CAMKK2: variants seen among roughly 807,000 people sequenced by gnomAD.
CAMKK2 encodes calcium/calmodulin dependent protein kinase kinase 2, also known as calcium/calmodulin-dependent protein kinase kinase 2.
CAMKK2 carries 30 observed loss-of-function variants against 67.2 expected under a neutral mutation model. That is an observed-to-expected ratio of 0.45 (90% confidence interval 0.33 to 0.61). The LOEUF (loss-of-function observed/expected upper bound fraction) is 0.61, where lower values mean the gene tolerates loss of function less well. CAMKK2 is among the 20% of genes least tolerant of loss of function. The pLI is 0.02. For missense variants in CAMKK2, 643 were observed against 802.0 expected (o/e 0.80, Z 2.39); for synonymous variants, 322 against 326.2 (o/e 0.99, Z 0.14).
chr12:121,269,459 G>T, intron 4 of CAMKK2, 69 bp downstream of exon 4: 1 of 1,220,720 alleles, frequency 8.2e-7, no homozygotes, highest in Non-Finnish European at 1.2e-6. Context: ...TTTCCAGGAA[G>T]CTGAGTGCTG....
chr12:121,295,102 G>C (rs1476704404), intron 1 of CAMKK2, among the ~76,000 whole-genome samples: 1 of 152,126 alleles, frequency 6.6e-6, no homozygotes, highest in Non-Finnish European at 1.5e-5. Context: ...CCCGGGAGGC[G>C]GAGGTTGCAG....
At position 121,285,126 on chromosome 12, in the gene CAMKK2, C is replaced by T. The variant is rs1451009807; in HGVS notation, c.-59-10541G>A. Among the ~76,000 whole-genome samples the T allele has an allele frequency of 1.3e-5, 2 of 152,166 alleles. No homozygotes were observed. The highest frequency in any genetic ancestry group is 2.9e-5 in the Non-Finnish European group (2 of 68,020). On this transcript the variant is annotated intron_variant, in intron 1 of 16. Transcript: ENST00000404169. The surrounding 1 kb of genome is among the most constrained non-coding windows in gnomAD (Gnocchi z 4.1). ...TGAGAGGTGGCCCTACAGGGCTGAC[C>T]CCACCATCAGCTTCAGAGATTTGCA...
In CAMKK2 at chr12:121,240,740, T is replaced by C; in HGVS notation, c.1726A>G (p.Met576Val). 6.2e-7 allele frequency: 1 copy of C among 1,609,150 alleles called. No homozygotes were observed. The highest frequency in any genetic ancestry group is 1.1e-5 in the South Asian group (1 of 90,818). ...GCCTCCTCCGGCCGCAGTGGATGCA[T>C]GCGTGCGGGGGAGCCGGGGGCGGGG... is the stretch of plus-strand genomic sequence containing the variant. ...WAPAPGSPAR[M>V]HPLRPEEAME... The change falls in exon 17 of 17, where the codon ATG (methionine) becomes GTG (valine). Residue 576 changes from methionine (M) to valine (V), a missense_variant. Met to Val is a conservative substitution (Grantham distance 21). Around this residue, in one of 3 missense-constraint regions of CAMKK2, gnomAD observed 140 missense variants for 124.2 expected, o/e 1.13. Coordinates refer to ENST00000404169, the MANE Select transcript of CAMKK2 (RefSeq NM_001270485.2). This position sits in a 1 kb window ranked among gnomAD's most constrained non-coding sequence, Gnocchi z 4.4.
rs930161005 is a variant in CAMKK2, at chr12:121,274,051, C to T, written c.471+5G>A. The T allele has an allele frequency of 3.4e-6, 5 of 1,482,256 alleles. No homozygotes were observed. The highest frequency in any genetic ancestry group is 4.5e-6 in the Non-Finnish European group (5 of 1,115,232). 91.8% of individuals were successfully genotyped at this position (1,482,256 alleles called of 1,614,324 possible). ...TAGGACCTGGCTCACCACCGGCTCA[C>T]GCACCTGCATACCCGTGATGGAGAC... is the stretch of plus-strand genomic sequence containing the variant. On this transcript the variant is annotated splice_donor_5th_base_variant and intron_variant, in intron 2 of 16. Coordinates refer to ENST00000404169, the MANE Select transcript of CAMKK2 (RefSeq NM_001270485.2).
Position 121,258,022 on chromosome 12 carries a change from CTT to C in CAMKK2, c.797-2220_797-2219del, listed in dbSNP as rs5801429. Among the ~76,000 whole-genome samples the C allele has an allele frequency of 2.3e-3, 279 of 120,038 alleles. 2 individuals are homozygous for C. The highest frequency in any genetic ancestry group is 2.8e-3 in the Admixed American group (32 of 11,564). 78.7% of individuals were successfully genotyped at this position (120,038 alleles called of 152,430 possible). On this transcript the variant is annotated intron_variant, in intron 7 of 16. Coordinates refer to ENST00000404169, the MANE Select transcript of CAMKK2 (RefSeq NM_001270485.2). ...CTAGAAATAGAGATCGAGTTTTCTACTTTTTTTTTTTTTTTTTTTTGAGACAA... is the reference window on the plus strand; with the variant it reads ...CTAGAAATAGAGATCGAGTTTTCTACTTTTTTTTTTTTTTTTTTGAGACAA...
In CAMKK2 at chr12:121,240,662, G is replaced by C. The variant is rs201611432; in HGVS notation, c.*37C>G. The C allele has an allele frequency of 1.3e-6, 2 of 1,555,450 alleles. No individual in the cohort carries two copies. Among genetic ancestry groups the C allele is most frequent in the Non-Finnish European group, 1.7e-6 (2 of 1,156,116 alleles). ...CGCGGTGCAGCAGCCCCCCAGAGGC[G>C]ACGCGGCGCGCATGCGAGGTCGAGC... On this transcript the variant is annotated 3_prime_UTR_variant, in exon 17 of 17. Coordinates refer to ENST00000404169, the MANE Select transcript of CAMKK2 (RefSeq NM_001270485.2). This position sits in a 1 kb window ranked among gnomAD's most constrained non-coding sequence, Gnocchi z 4.4.
At position 121,253,156 on chromosome 12, in the gene CAMKK2, G is replaced by A; in HGVS notation, c.1107+117C>T. ...AGCCAAGCCTGAAGCCTACCCCTCA[G>A]TATCTTGATCCAGGGGATTCACTGT... On this transcript the variant is annotated intron_variant, in intron 10 of 16. Transcript: ENST00000404169. The surrounding 1 kb of genome is among the most constrained non-coding windows in gnomAD (Gnocchi z 5.0). 1 of 848,382 alleles carries A rather than the reference G, an allele frequency of 1.2e-6. No individual in the cohort carries two copies. Among genetic ancestry groups the A allele is most frequent in the Non-Finnish European group, 1.9e-6 (1 of 522,688 alleles). The allele number at this position is 848,382 out of a possible 1,614,324, so 52.6% of individuals were successfully genotyped here.
At chr12:121,252,900 G>A (rs1891071299) in intron 10 of CAMKK2, among the ~76,000 whole-genome samples, 186 bp from the exon 11 acceptor site, 1 of 152,126 alleles carries the variant, frequency 6.6e-6, no homozygotes, top group Non-Finnish European at 1.5e-5. Flanking sequence ...ACTACCCCCA[G>A]CCACAGTGAT....
At position 121,240,514 on chromosome 12, in the gene CAMKK2, G is replaced by C. The variant is rs1298804855; in HGVS notation, c.*185C>G. On this transcript the variant is annotated 3_prime_UTR_variant, in exon 17 of 17. Transcript: ENST00000404169. This position sits in a 1 kb window ranked among gnomAD's most constrained non-coding sequence, Gnocchi z 4.4. The stretch of plus-strand genomic sequence containing the variant: ...GCCAGCGGCCACGGTCGACGTCATG[G>C]AGTCAAGTCCTTTTTTTTTTTTTGT... 6.5e-7 allele frequency: 1 copy of C among 1,530,664 alleles called. No individual in the cohort carries two copies. The highest frequency in any genetic ancestry group is 8.7e-7 in the Non-Finnish European group (1 of 1,145,494). 94.8% of individuals were successfully genotyped at this position (1,530,664 alleles called of 1,614,324 possible).
rs752954809 is a variant in CAMKK2 at position 121,240,724 on chromosome 12, G to C, written c.1742C>G (p.Pro581Arg). Residue 581 changes from proline (P) to arginine (R), a missense_variant, in exon 17 of 17, where the codon CCG becomes CGG. Coordinates refer to ENST00000404169, the MANE Select transcript of CAMKK2 (RefSeq NM_001270485.2). This position sits in a 1 kb window ranked among gnomAD's most constrained non-coding sequence, Gnocchi z 4.4. Reference protein sequence around the residue: ...GSPARMHPLRPEEAMEPE With the variant: ...GSPARMHPLRREEAMEPE ...CTACTCGGGCTCCATGGCCTCCTCC[G>C]GCCGCAGTGGATGCATGCGTGCGGG... 6.2e-7 allele frequency: 1 copy of C among 1,606,974 alleles called. No homozygotes were observed. The highest frequency in any genetic ancestry group is 8.5e-7 in the Non-Finnish European group (1 of 1,178,688).
At position 121,263,894 on chromosome 12, in the gene CAMKK2, A is replaced by C; in HGVS notation, c.671T>G (p.Ile224Ser). 6.2e-7 allele frequency: 1 copy of C among 1,609,542 alleles called. No individual in the cohort carries two copies. Among genetic ancestry groups the C allele is most frequent in the East Asian group, 2.2e-5 (1 of 44,810 alleles). ...RGTRPAPGGC[I>S]QPRGPIEQVY... Reference sequence around the variant, plus strand: ...CTGCTCAATGGGGCCCCTGGGCTGGATGCAGCCTCCAGGAGCTGGCCGGGT... The same window carrying C: ...CTGCTCAATGGGGCCCCTGGGCTGGCTGCAGCCTCCAGGAGCTGGCCGGGT... The change falls in exon 6 of 17, where the codon ATC becomes AGC. Residue 224 changes from isoleucine to serine, a missense_variant. By Grantham distance (142) the Ile-to-Ser change is moderately radical. This residue lies in a region of CAMKK2 where 483 missense variants were observed against 625.8 expected (regional missense o/e 0.77). Transcript: ENST00000404169.
chr12:121,291,337 T>C (rs2136651569), intron 1 of CAMKK2, among the ~76,000 whole-genome samples: 1 of 152,366 alleles, frequency 6.6e-6, no homozygotes, highest in South Asian at 2.1e-4. Flanking sequence ...ATGGACAAAG[T>C]AGCCTTAAGA....
chr12:121,270,142 C>T (rs147673115), intron 3 of CAMKK2, among the ~76,000 whole-genome samples: 112 of 152,088 alleles, frequency 7.4e-4, no homozygotes, highest in African/African-American at 2.5e-3. Context: ...GAGGCCGAGG[C>T]GGGCAGATCA....
chr12:121,288,194 A>G (rs1899154716), intron 1 of CAMKK2, among the ~76,000 whole-genome samples: 1 of 152,164 alleles, frequency 6.6e-6, no homozygotes, highest in Non-Finnish European at 1.5e-5. Context: ...AGAGGTTGGA[A>G]AACAACTGGA....
chr12:121,270,926 T>G lies in CAMKK2; in HGVS notation c.491A>C (p.Gln164Pro). 6.2e-7 allele frequency: 1 copy of G among 1,613,754 alleles called. No individual in the cohort carries two copies. Among genetic ancestry groups the G allele is most frequent in the Non-Finnish European group, 8.5e-7 (1 of 1,179,698 alleles). ...TGMQDCVQLN[Q>P]YTLKDEIGKG... ...TCCAATTTCATCCTTCAGGGTATACTGATTCAGCTGCACACAGTCCTAGAG... is the reference window on the plus strand; with the variant it reads ...TCCAATTTCATCCTTCAGGGTATACGGATTCAGCTGCACACAGTCCTAGAG... Residue 164 changes from glutamine to proline, a missense_variant, in exon 3 of 17, where the codon CAG (glutamine) becomes CCG (proline). By Grantham distance (76) the Gln-to-Pro change is moderately conservative (BLOSUM62 -1). This residue lies in a region of CAMKK2 where 483 missense variants were observed against 625.8 expected (regional missense o/e 0.77). Coordinates refer to ENST00000404169, the MANE Select transcript of CAMKK2 (RefSeq NM_001270485.2).
chr12:121,289,918 G>T (rs1899654755), intron 1 of CAMKK2, among the ~76,000 whole-genome samples: 1 of 147,436 alleles, frequency 6.8e-6, no homozygotes, highest in African/African-American at 2.6e-5. Context: ...AAAAGGCGGG[G>T]CGGGGAGCCA....
At chr12:121,296,741 G>T (rs1242786541), upstream of CAMKK2, 1 of 146,546 alleles carries the variant, frequency 6.8e-6, no homozygotes, top group Non-Finnish European at 1.5e-5. The surrounding 1 kb of genome is among the most constrained non-coding windows in gnomAD (Gnocchi z 7.1). Context: ...CTCCGCCCGG[G>T]CGGCGGGCGC....
At chr12:121,295,882 A>C (rs895670880) in intron 1 of CAMKK2, among the ~76,000 whole-genome samples, 2 of 152,176 alleles carry the variant, frequency 1.3e-5, no homozygotes, top group African/African-American at 4.8e-5. Flanking sequence ...GGCTGGGGGA[A>C]AGCCAGGAAA....
rs543752634 is a variant in CAMKK2, at chr12:121,266,341, C to T, written c.625+2297G>A. 2.0e-5 allele frequency among the ~76,000 whole-genome samples: 3 copies of T among 150,934 alleles called. No individual in the cohort carries two copies. The South Asian group carries it at 6.2e-4, about 31-fold the overall frequency. ...GACACCATTTGTTATTTTGTTAAGACAAGAGGTAAGAAGGAGTGTTTAAGC... is the reference window on the plus strand; with the variant it reads ...GACACCATTTGTTATTTTGTTAAGATAAGAGGTAAGAAGGAGTGTTTAAGC... On this transcript the variant is annotated intron_variant, in intron 5 of 16. Coordinates refer to ENST00000404169, the MANE Select transcript of CAMKK2 (RefSeq NM_001270485.2).
Sources: allele counts gnomAD v4.1 joint callset (sites outside exome capture counted in the v4.1 genomes callset), GRCh38; gene constraint gnomAD v4.1.1; regional missense constraint gnomAD v4.1.1; non-coding constraint Gnocchi (gnomAD v3.1); transcripts MANE v1.5; gene names NCBI Gene and HGNC (gene_info 2026-07-23, HGNC 2026-07-21).